RNF150: variants seen among roughly 807,000 people sequenced by gnomAD.
RNF150 encodes the protein ring finger protein 150.
Under a neutral mutation model 39.3 loss-of-function variants are expected in RNF150, and 24 were observed. That is an observed-to-expected ratio of 0.61 (90% CI 0.44 to 0.86). The LOEUF is 0.86. Ranked by LOEUF, RNF150 falls within the 40% of genes least tolerant of loss-of-function variation. RNF150 has a pLI of 0.00. For synonymous variants in RNF150, 255 were observed against 227.3 expected, an observed-to-expected ratio of 1.12 and a Z score of -1.10; for missense variants, 502 against 587.8, an observed-to-expected ratio of 0.85 and a Z score of 1.51.
rs567171299 is a variant in RNF150, at chr4:140,909,221, A to T, written c.1198+1923T>A. On this transcript the variant is annotated intron_variant, in intron 6 of 6. Transcript: ENST00000515673. ...TTAGAAGTATATTTTGGTAAAAATCAAATGACCTTTAATGTTCTCTTCCAT... is the reference window on the plus strand; with the variant it reads ...TTAGAAGTATATTTTGGTAAAAATCTAATGACCTTTAATGTTCTCTTCCAT... Among the ~76,000 whole-genome samples, 56 of 152,282 alleles carry T rather than the reference A, an allele frequency of 3.7e-4. No individual in the cohort carries two copies. The South Asian group carries it at 0.01, about 28-fold the overall frequency.
chr4:141,022,214 T>G (rs1735522022), intron 1 of RNF150, among the ~76,000 whole-genome samples: 1 of 151,842 alleles, frequency 6.6e-6, no homozygotes, highest in Non-Finnish European at 1.5e-5. Context: ...ACTGGGTTTT[T>G]TTTATTTTTT....
chr4:141,020,229 G>T (rs1735441742), intron 1 of RNF150, among the ~76,000 whole-genome samples: 1 of 151,932 alleles, frequency 6.6e-6, no homozygotes, highest in Non-Finnish European at 1.5e-5. Flanking sequence ...TGAATGTCTG[G>T]TCAGTGGAAA....
chr4:140,947,162 CT>C (rs1291827662), intron 4 of RNF150, among the ~76,000 whole-genome samples: 1 of 151,316 alleles, frequency 6.6e-6, no homozygotes, highest in Non-Finnish European at 1.5e-5. Context: ...CATTCTCTTT[CT>C]GTTAGTTTAA....
At chr4:141,177,834 T>TTTTG (rs375125439) in intron 1 of RNF150, among the ~76,000 whole-genome samples, 2 of 152,168 alleles carry the variant, frequency 1.3e-5, no homozygotes. Flanking sequence ...GAAAAGGGCT[T>TTTTG]TTTGTTTGTT....
chr4:141,194,382 A>C (rs1475911483), intron 1 of RNF150, among the ~76,000 whole-genome samples: 1 of 152,210 alleles, frequency 6.6e-6, no homozygotes, highest in Non-Finnish European at 1.5e-5. Flanking sequence ...ATTTGAAAGA[A>C]CTATACGGTA....
intron 6 of RNF150, among the ~76,000 whole-genome samples, chr4:140,906,741 C>T (rs1320768092): frequency 6.6e-6 from 1 of 152,178 alleles, no homozygotes; most frequent in Non-Finnish European, 1.5e-5. Context: ...ATGCCAAGTG[C>T]TTTTCAGAAT....
chr4:141,174,776 G>C (rs529258162), intron 1 of RNF150, among the ~76,000 whole-genome samples: 1 of 150,930 alleles, frequency 6.6e-6, no homozygotes. Flanking sequence ...ACACAGGCCA[G>C]AAAATCTAGG....
At chr4:141,163,629 T>C (rs1727551211) in intron 1 of RNF150, among the ~76,000 whole-genome samples, 1 of 152,238 alleles carries the variant, frequency 6.6e-6, no homozygotes, top group Admixed American at 6.5e-5. Context: ...TCTTTGCTGT[T>C]CTGCAGCCAC....
intron 1 of RNF150, among the ~76,000 whole-genome samples, chr4:140,986,758 AT>A (rs1734028758): frequency 6.6e-6 from 1 of 152,050 alleles, no homozygotes; most frequent in African/African-American, 2.4e-5. Flanking sequence ...GTATATTACA[AT>A]TATGAAGCAG....
chr4:140,994,631 A>C (rs1487830859), intron 1 of RNF150, among the ~76,000 whole-genome samples: 1 of 152,196 alleles, frequency 6.6e-6, no homozygotes, highest in Non-Finnish European at 1.5e-5. Flanking sequence ...AGATCTGAAG[A>C]ATGAGGAAAC....
intron 1 of RNF150, among the ~76,000 whole-genome samples, chr4:140,986,205 A>G (rs1164413207): frequency 6.6e-6 from 1 of 152,114 alleles, no homozygotes; most frequent in Non-Finnish European, 1.5e-5. Flanking sequence ...CTGCCTGAAC[A>G]AGGAAGAAAA....
intron 1 of RNF150, among the ~76,000 whole-genome samples, chr4:140,972,504 C>G (rs985936966): frequency 1.3e-5 from 2 of 152,134 alleles, no homozygotes; most frequent in African/African-American, 4.8e-5. Flanking sequence ...TATTACATAG[C>G]TAGTTGTCCT....
chr4:140,886,209 AAAG>A (rs1729571574), intron 6 of RNF150, among the ~76,000 whole-genome samples: 2 of 151,820 alleles, frequency 1.3e-5, no homozygotes, highest in African/African-American at 4.8e-5. Flanking sequence ...AAAAAAAAAA[AAAG>A]AAAAGTATGT....
intron 1 of RNF150, among the ~76,000 whole-genome samples, chr4:141,065,302 G>A (rs72949028): frequency 7.2e-4 from 110 of 152,302 alleles, no homozygotes; most frequent in African/African-American, 2.1e-3. Context: ...CTATCTGTGC[G>A]TGAGAGGCAG....
chr4:141,191,090 G>A (rs1053961924), intron 1 of RNF150, among the ~76,000 whole-genome samples: 2 of 152,174 alleles, frequency 1.3e-5, no homozygotes, highest in Non-Finnish European at 2.9e-5. Flanking sequence ...GAAGAGATGG[G>A]TCCTTAAATC....
At chr4:141,009,017 T>C (rs1560685700) in intron 1 of RNF150, among the ~76,000 whole-genome samples, 1 of 152,200 alleles carries the variant, frequency 6.6e-6, no homozygotes. Context: ...AGAATTACCA[T>C]AATTAATCAG....
chr4:141,125,898 T>C (rs977683367), intron 1 of RNF150, among the ~76,000 whole-genome samples: 21 of 152,212 alleles, frequency 1.4e-4, no homozygotes, highest in Admixed American at 2.0e-4. Context: ...ATCCTCTAGA[T>C]ATGTACTTCT....
chr4:140,965,537 TATAC>T (rs1733205068), intron 2 of RNF150, among the ~76,000 whole-genome samples: 1 of 152,090 alleles, frequency 6.6e-6, no homozygotes, highest in Non-Finnish European at 1.5e-5. Context: ...AGAAAATGTA[TATAC>T]ATACACACAT....
At chr4:141,086,027 TACACACACACAC>T (rs10527153) in intron 1 of RNF150, among the ~76,000 whole-genome samples, 72 of 140,114 alleles carry the variant, frequency 5.1e-4, no homozygotes, top group East Asian at 4.3e-3. Flanking sequence ...TGAGAAGAGT[TACACACACACAC>T]ACACACACAC....
Sources: gnomAD v4.1 joint callset for allele counts (sites outside exome capture counted in the v4.1 genomes callset) on GRCh38, gnomAD v4.1.1 for gene constraint, MANE v1.5 for transcripts, NCBI Gene and HGNC (gene_info 2026-07-23, HGNC 2026-07-21) for gene names.